The following SMTNL1 variants were observed in gnomAD, a reference collection of about 807,000 sequenced individuals.
The protein encoded by SMTNL1 is smoothelin like 1.
A neutral mutation model predicts 46.6 loss-of-function variants in SMTNL1; 41 were observed. The ratio of observed to expected loss-of-function variants is 0.88; its 90% confidence interval spans 0.69 to 1.14. The LOEUF (loss-of-function observed/expected upper bound fraction) is 1.14. SMTNL1 is among the 50% of genes most tolerant of loss of function. SMTNL1 has a pLI of 0.00. For missense variants in SMTNL1, 591 were observed against 626.1 expected, an observed-to-expected ratio of 0.94 and a Z score of 0.60; for synonymous variants, 234 against 234.2, an observed-to-expected ratio of 1.00 and a Z score of 0.01.
At chr11:57,538,870 G>A (rs1944851509) in intron 1 of SMTNL1, among the ~76,000 whole-genome samples, 1 of 152,220 alleles carries the variant, frequency 6.6e-6, no homozygotes, top group Non-Finnish European at 1.5e-5. Context: ...AATGCTGGGG[G>A]TGGGTGGTGG....
In SMTNL1 at chr11:57,543,072, G is replaced by C. The variant is rs750016699; in HGVS notation, c.430G>C (p.Ala144Pro). ...GAAGCAGAAGGCTGAGGAGAAAGAG[G>C]CCAAACCTGAATCTGGGCAGAAAGC... ...SEKQKAEEKEAKPESGQKADA... is the reference protein window; with the variant it reads ...SEKQKAEEKEPKPESGQKADA... The change falls in exon 2 of 8, where the codon GCC (alanine) becomes CCC (proline). Residue 144 changes from alanine to proline, a missense_variant. Transcript: ENST00000527972. 2.1e-5 allele frequency: 34 copies of C among 1,609,612 alleles called. 1 individual carries two copies. The Admixed American group carries it at 5.7e-4, about 27-fold the overall frequency.
rs1308112939 is a variant in SMTNL1 at position 57,543,681 on chromosome 11, G to A, written c.790G>A (p.Gly264Arg). 6.3e-7 allele frequency: 1 copy of A among 1,598,398 alleles called. No homozygotes were observed. The highest frequency in any genetic ancestry group is 8.5e-7 in the Non-Finnish European group (1 of 1,172,898). ...GGACGTGGAAAAAGAGCCAGAGGGAGGGGCAGGGGTGATTCCCAGCTCCCC... is the reference window on the plus strand; with the variant it reads ...GGACGTGGAAAAAGAGCCAGAGGGAAGGGCAGGGGTGATTCCCAGCTCCCC... The part of the protein sequence containing the change: ...EQDVEKEPEG[G>R]AGVIPSSPEE... The change falls in exon 3 of 8, where the codon GGG (glycine) becomes AGG (arginine). Residue 264 changes from glycine to arginine, a missense_variant. Physicochemically the swap from Gly to Arg is moderately radical, Grantham distance 125. Transcript: ENST00000527972.
intron 7 of SMTNL1, among the ~76,000 whole-genome samples, chr11:57,547,524 CTTG>C (rs1312963116): frequency 1.3e-5 from 2 of 152,232 alleles, no homozygotes; most frequent in African/African-American, 4.8e-5. Context: ...CATCACAGGG[CTTG>C]TTGTGAAGAT....
intron 4 of SMTNL1, 77 bp from the exon 5 acceptor site, chr11:57,545,804 A>C: frequency 2.5e-4 from 184 of 735,370 alleles, no homozygotes; most frequent in Non-Finnish European, 3.1e-4. Flanking sequence ...CCCACCCTCC[A>C]GCCCCACAGC....
intron 1 of SMTNL1, among the ~76,000 whole-genome samples, chr11:57,538,923 T>C (rs79893246): frequency 0.011 from 1,679 of 152,272 alleles, 35 homozygotes; most frequent in African/African-American, 0.038. Flanking sequence ...ACTCCTTTTC[T>C]ATTTGTGACA....
intron 7 of SMTNL1, among the ~76,000 whole-genome samples, chr11:57,548,876 C>G (rs1944938989): frequency 6.6e-6 from 1 of 152,224 alleles, no homozygotes; most frequent in South Asian, 2.1e-4. Context: ...GTTTTATTCA[C>G]TGATGAATTC....
chr11:57,542,566 G>A, intron 1 of SMTNL1, 75 bp from the exon 2 acceptor site: 1 of 1,498,782 alleles, frequency 6.7e-7, no homozygotes, highest in East Asian at 2.3e-5. Context: ...TCCCAGGCCA[G>A]AGCTCTCTGA....
intron 1 of SMTNL1, among the ~76,000 whole-genome samples, 74 bp downstream of exon 1, chr11:57,537,716 C>G (rs1944839653): frequency 6.6e-6 from 1 of 152,234 alleles, no homozygotes; most frequent in Admixed American, 6.5e-5. Context: ...GTCCAAGGGC[C>G]AGAGCCTCCC....
intron 1 of SMTNL1, among the ~76,000 whole-genome samples, chr11:57,542,262 C>T (rs1944885525): frequency 6.6e-6 from 1 of 152,174 alleles, no homozygotes; most frequent in Non-Finnish European, 1.5e-5. Flanking sequence ...TGTGCTCCTG[C>T]ACTCCAGCCT....
In SMTNL1 at chr11:57,543,189, A is replaced by G; in HGVS notation, c.547A>G (p.Lys183Glu). The change falls in exon 2 of 8, where the codon AAA becomes GAA. Residue 183 changes from lysine (K) to glutamate (E), a missense_variant. Coordinates refer to ENST00000527972, the MANE Select transcript of SMTNL1 (RefSeq NM_001105565.3). ...TASQEETGQR[K>E]ECSTEPKEKA... Reference sequence around the variant, plus strand: ...CTCTCAGGAGGAGACAGGCCAGAGGAAAGAGTGCAGCACTGAACCCAAGGA... The same window carrying G: ...CTCTCAGGAGGAGACAGGCCAGAGGGAAGAGTGCAGCACTGAACCCAAGGA... 1 of 1,613,900 alleles carries G rather than the reference A, an allele frequency of 6.2e-7. No individual in the cohort carries two copies. Among genetic ancestry groups the G allele is most frequent in the African/African-American group, 1.3e-5 (1 of 75,050 alleles).
Position 57,541,502 on chromosome 11 carries a change from C to T in SMTNL1, c.-2-1139C>T, listed in dbSNP as rs929370133. 3 of 1,367,060 alleles carry T rather than the reference C, an allele frequency of 2.2e-6. No homozygotes were observed. In the African/African-American group the frequency reaches 4.4e-5, roughly 20 times the overall value. 84.7% of individuals were successfully genotyped at this position (1,367,060 alleles called of 1,614,324 possible). On this transcript the variant is annotated intron_variant, in intron 1 of 7. Coordinates refer to ENST00000527972, the MANE Select transcript of SMTNL1 (RefSeq NM_001105565.3). ...TCCGAGTTAAGATGTCATAATCTAC[C>T]CCCATGCTCCCGGGGGCAGTTGGAG...
intron 4 of SMTNL1, among the ~76,000 whole-genome samples, chr11:57,544,955 G>C (rs12225507): frequency 6.6e-6 from 1 of 151,552 alleles, no homozygotes; most frequent in Non-Finnish European, 1.5e-5. Context: ...TCCTGCCTCA[G>C]CCTTCCAAGT....
At position 57,543,346 on chromosome 11, in the gene SMTNL1, A is replaced by C. The variant is rs1324924121; in HGVS notation, c.704A>C (p.Lys235Thr). Residue 235 changes from lysine (K) to threonine (T), a missense_variant, in exon 2 of 8, where the codon AAA becomes ACA. By Grantham distance (78) the Lys-to-Thr change is moderately conservative (BLOSUM62 -1). Coordinates refer to ENST00000527972, the MANE Select transcript of SMTNL1 (RefSeq NM_001105565.3). ...KHGAKEEADA[K>T]EEAEDAEEAE... ...GGTGCAAAAGAGGAGGCTGATGCAA[A>C]AGAGGAGGCGGAGGATGCAGAGGAG... 1.2e-6 allele frequency: 2 copies of C among 1,613,928 alleles called. No individual in the cohort carries two copies. Among genetic ancestry groups the C allele is most frequent in the Non-Finnish European group, 1.7e-6 (2 of 1,179,866 alleles).
intron 1 of SMTNL1, among the ~76,000 whole-genome samples, chr11:57,541,240 G>A (rs1944874693): frequency 1.3e-5 from 2 of 152,330 alleles, no homozygotes; most frequent in African/African-American, 4.8e-5. Flanking sequence ...TTACCCAGGT[G>A]CCCTCGGTAC....
chr11:57,541,509 C>T (rs767570411), intron 1 of SMTNL1: 43 of 1,367,200 alleles, frequency 3.1e-5, no homozygotes, highest in Non-Finnish European at 4.2e-5. Context: ...TACCCCCATG[C>T]TCCCGGGGGC....
At chr11:57,539,825 G>A (rs1291017760) in intron 1 of SMTNL1, among the ~76,000 whole-genome samples, 1 of 152,152 alleles carries the variant, frequency 6.6e-6, no homozygotes, top group Admixed American at 6.5e-5. Flanking sequence ...CATCCCTATG[G>A]GATGGGACCT....
At chr11:57,548,958 C>G (rs1440996885) in intron 7 of SMTNL1, among the ~76,000 whole-genome samples, 1 of 152,022 alleles carries the variant, frequency 6.6e-6, no homozygotes, top group Non-Finnish European at 1.5e-5. Flanking sequence ...GAGTGATGCT[C>G]CTGGAGATGC....
Position 57,545,944 on chromosome 11 carries a change from G to A in SMTNL1, c.981G>A (p.Lys327=), listed in dbSNP as rs1347496923. The change falls in exon 5 of 8, where the codon AAG becomes AAA. Residue 327 remains lysine (K), a synonymous_variant. Coordinates refer to ENST00000527972, the MANE Select transcript of SMTNL1 (RefSeq NM_001105565.3). ...PPESPSSGEK[K]EKAPERRVSA... Reference sequence around the variant, plus strand: ...AGTCCCCTTCCTCAGGGGAGAAGAAGGAGAAGGCACCAGAGCGCAGGGTAT... The same window carrying A: ...AGTCCCCTTCCTCAGGGGAGAAGAAAGAGAAGGCACCAGAGCGCAGGGTAT... The A allele has an allele frequency of 1.9e-6, 3 of 1,613,766 alleles. No homozygotes were observed. The East Asian group carries it at 6.7e-5, about 36-fold the overall frequency.
intron 4 of SMTNL1, 34 bp downstream of exon 4, chr11:57,543,954 C>T (rs1025017791): frequency 4.2e-5 from 65 of 1,557,934 alleles, no homozygotes; most frequent in Non-Finnish European, 5.6e-5. Flanking sequence ...AGCTCCAATT[C>T]CCCCTACCTC....
Sources: allele counts gnomAD v4.1 joint callset (sites outside exome capture counted in the v4.1 genomes callset), GRCh38; gene constraint gnomAD v4.1.1; transcripts MANE v1.5; gene names NCBI Gene and HGNC (gene_info 2026-07-23, HGNC 2026-07-21).